ZNF37A: variants seen among roughly 807,000 people sequenced by gnomAD.
The protein encoded by ZNF37A is zinc finger protein 37a (KOX 21).
Under a neutral mutation model 12.3 loss-of-function variants are expected in ZNF37A, and 10 were observed. That is an observed-to-expected ratio of 0.82 (90% confidence interval 0.50 to 1.38). ZNF37A has a LOEUF of 1.38. ZNF37A is among the 40% of genes most tolerant of loss of function. The probability of loss-of-function intolerance (pLI) is 0.00; values close to 1 mark genes in which losing one functional copy is unlikely to be tolerated. For synonymous variants in ZNF37A, 207 were observed against 223.0 expected, an observed-to-expected ratio of 0.93 and a Z score of 0.64; for missense variants, 580 against 651.2, an observed-to-expected ratio of 0.89 and a Z score of 1.19.
intron 7 of ZNF37A, chr10:38,140,237 G>T (rs2070164371): frequency 6.6e-6 from 1 of 152,172 alleles, no homozygotes; most frequent in Non-Finnish European, 1.5e-5. Flanking sequence ...AGAGGAAAAA[G>T]AAATTGACCA....
chr10:38,137,678 A>G (rs2070125728), intron 7 of ZNF37A: 1 of 152,242 alleles, frequency 6.6e-6, no homozygotes, highest in African/African-American at 2.4e-5. Context: ...ACATGAGACT[A>G]TAGAGACTGT....
intron 5 of ZNF37A, among the ~76,000 whole-genome samples, chr10:38,113,209 T>A (rs1194249227): frequency 2.1e-5 from 2 of 93,130 alleles, no homozygotes; most frequent in African/African-American, 8.5e-5. Flanking sequence ...TCTGTGATTT[T>A]TTTTTTTTTT....
intron 5 of ZNF37A, among the ~76,000 whole-genome samples, chr10:38,108,883 C>T (rs1822194016): frequency 6.6e-6 from 1 of 152,188 alleles, no homozygotes; most frequent in African/African-American, 2.4e-5. Context: ...GACAGATTCA[C>T]AGCCGAATAC....
intron 5 of ZNF37A, 31 bp from the exon 6 acceptor site, chr10:38,114,724 C>G (rs764301228): frequency 6.2e-7 from 1 of 1,613,942 alleles, no homozygotes; most frequent in South Asian, 1.1e-5. Context: ...ATTCTTATCA[C>G]TTCAGACTGA....
At chr10:38,105,071 T>C (rs1423369343) in intron 5 of ZNF37A, among the ~76,000 whole-genome samples, 1 of 151,438 alleles carries the variant, frequency 6.6e-6, no homozygotes, top group Non-Finnish European at 1.5e-5. Context: ...AATGGCATGA[T>C]CTCAGCTCAC....
rs1421047237 is a variant in ZNF37A, at chr10:38,118,187, C to G, written c.1036C>G (p.Gln346Glu). ...TGAAAAGTCAACCCTTACTCAACATCAAAGAACGCACACAGGGGAGAAACC... is the reference window on the plus strand; with the variant it reads ...TGAAAAGTCAACCCTTACTCAACATGAAAGAACGCACACAGGGGAGAAACC... The part of the protein sequence containing the change: ...FSEKSTLTQH[Q>E]RTHTGEKPYE... Residue 346 changes from glutamine to glutamate, a missense_variant, in exon 8 of 8, where the codon CAA becomes GAA. Physicochemically the swap from Gln to Glu is conservative, Grantham distance 29. Transcript: ENST00000685332. The G allele has an allele frequency of 6.2e-7, 1 of 1,613,910 alleles. No individual in the cohort carries two copies. Among genetic ancestry groups the G allele is most frequent in the Non-Finnish European group, 8.5e-7 (1 of 1,179,960 alleles).
rs2067082138 is a variant in ZNF37A, at chr10:38,095,536, A to T, written c.-197-2A>T. The T allele has an allele frequency of 6.6e-6, 1 of 152,264 alleles. No homozygotes were observed. Among genetic ancestry groups the T allele is most frequent in the Admixed American group, 6.5e-5 (1 of 15,288 alleles). 9.4% of individuals were successfully genotyped at this position (152,264 alleles called of 1,614,324 possible). A position where few individuals can be genotyped will look rare whatever the true frequency, so the allele number is the denominator to read the frequency against. On this transcript the variant is annotated splice_acceptor_variant, in intron 2 of 7. Transcript: ENST00000685332. LOFTEE classifies it low-confidence loss of function (5UTR_SPLICE). The stretch of plus-strand genomic sequence containing the variant: ...CCTGGATTCGTTACTCGCTCGTTCT[A>T]GATGCTGAGCTGCTGGCGCACTGCA...
chr10:38,148,105 T>G (rs954045083), exon 8 of ZNF37A: 1 of 152,198 alleles, frequency 6.6e-6, no homozygotes, highest in African/African-American at 2.4e-5. Flanking sequence ...AATTGGGACT[T>G]GGAACTGCAC....
intron 7 of ZNF37A, among the ~76,000 whole-genome samples, chr10:38,134,559 C>T (rs1257721569): frequency 2.6e-5 from 4 of 152,216 alleles, no homozygotes; most frequent in Non-Finnish European, 4.4e-5. Flanking sequence ...TGGAGGTCCA[C>T]TCCAGACTCT....
At chr10:38,110,501 A>G (rs1462747881) in intron 5 of ZNF37A, among the ~76,000 whole-genome samples, 1 of 152,206 alleles carries the variant, frequency 6.6e-6, no homozygotes, top group African/African-American at 2.4e-5. Context: ...TAATTAAACT[A>G]AAGAGCTTCT....
intron 7 of ZNF37A, among the ~76,000 whole-genome samples, chr10:38,132,675 G>T (rs1178138064): frequency 6.6e-6 from 1 of 152,074 alleles, no homozygotes; most frequent in East Asian, 1.9e-4. Flanking sequence ...GTTTATATGG[G>T]CCAGATAAGC....
chr10:38,119,129 T>C lies in ZNF37A; in HGVS notation c.*292T>C. 4.6e-6 allele frequency: 5 copies of C among 1,077,354 alleles called. No homozygotes were observed. The highest frequency in any genetic ancestry group is 5.6e-6 in the Non-Finnish European group (5 of 885,254). 66.7% of individuals were successfully genotyped at this position (1,077,354 alleles called of 1,614,324 possible). On this transcript the variant is annotated 3_prime_UTR_variant, in exon 8 of 8. Transcript: ENST00000685332. Reference sequence around the variant, plus strand: ...CAGAGAATTCACACGGGGTGAAACCTGGGTCAGCATCCCTAGGTTGAGAAG... The same window carrying C: ...CAGAGAATTCACACGGGGTGAAACCCGGGTCAGCATCCCTAGGTTGAGAAG...
At chr10:38,135,366 CAG>C (rs1335517852) in intron 7 of ZNF37A, among the ~76,000 whole-genome samples, 1 of 152,230 alleles carries the variant, frequency 6.6e-6, no homozygotes, top group Non-Finnish European at 1.5e-5. Context: ...AGCCTGGTGA[CAG>C]AGTGAGACTC....
intron 5 of ZNF37A, among the ~76,000 whole-genome samples, chr10:38,112,760 CTTTTCTTTTCTTT>C (rs2068863679): frequency 1.9e-5 from 1 of 51,668 alleles, no homozygotes; most frequent in Non-Finnish European, 4.1e-5. Context: ...CTTTTCTTTT[CTTTTCTTTTCTTT>C]TCTTTTCTTT....
At chr10:38,113,205 A>ATTT (rs71007697) in intron 5 of ZNF37A, among the ~76,000 whole-genome samples, 117 of 75,846 alleles carry the variant, frequency 1.5e-3, no homozygotes, top group East Asian at 4.4e-3. Flanking sequence ...TTAGTCTGTG[A>ATTT]TTTTTTTTTT....
At chr10:38,142,962 T>C (rs559629029) in intron 7 of ZNF37A, 1 of 152,360 alleles carries the variant, frequency 6.6e-6, no homozygotes, top group African/African-American at 2.4e-5. Context: ...TTTATCCATG[T>C]TTTTATTATT....
chr10:38,133,879 G>A (rs1168070972), intron 7 of ZNF37A, among the ~76,000 whole-genome samples: 1 of 152,190 alleles, frequency 6.6e-6, no homozygotes. Flanking sequence ...AGATCCTTGA[G>A]GAATTGCCAC....
chr10:38,098,447 T>TG (rs2067315436), intron 5 of ZNF37A, among the ~76,000 whole-genome samples: 1 of 152,200 alleles, frequency 6.6e-6, no homozygotes, highest in African/African-American at 2.4e-5. Context: ...AGCTTTTCTA[T>TG]TTCTGCAAAA....
In ZNF37A at chr10:38,117,997, G is replaced by A; in HGVS notation, c.846G>A (p.Gln282=). ...ECHECGKTFT[Q]KSAHTRHQRT... ...ATGAATGTGGAAAAACCTTCACCCA[G>A]AAGTCAGCCCACACAAGACATCAGA... The change falls in exon 8 of 8, where the codon CAG becomes CAA. Residue 282 remains glutamine (Q), a synonymous_variant. Transcript: ENST00000685332. The A allele has an allele frequency of 6.2e-7, 1 of 1,613,906 alleles. No homozygotes were observed. Among genetic ancestry groups the A allele is most frequent in the Non-Finnish European group, 8.5e-7 (1 of 1,179,998 alleles).
Sources: gnomAD v4.1 joint callset for allele counts (sites outside exome capture counted in the v4.1 genomes callset) on GRCh38, gnomAD v4.1.1 for gene constraint, MANE v1.5 for transcripts, NCBI Gene and HGNC (gene_info 2026-07-23, HGNC 2026-07-21) for gene names.